The following BMPR1B variants were observed in gnomAD, a reference collection of about 807,000 sequenced individuals.
BMPR1B encodes the protein bone morphogenetic protein receptor type 1B, also known as bone morphogenetic protein receptor type-1B.
A neutral mutation model predicts 59.1 loss-of-function variants in BMPR1B; 12 were observed. The observed-to-expected ratio is 0.20, with a 90% CI of 0.13 to 0.33. BMPR1B has a LOEUF of 0.33. Ranked by LOEUF, BMPR1B falls within the 10% of genes least tolerant of loss-of-function variation. BMPR1B has a pLI of 1.00. For missense variants in BMPR1B, 550 were observed against 610.9 expected (o/e 0.90, Z 1.05); for synonymous variants, 237 against 207.3 (o/e 1.14, Z -1.23).
intron 2 of BMPR1B, among the ~76,000 whole-genome samples, chr4:94,943,877 T>G (rs941806491): frequency 5.9e-5 from 9 of 152,194 alleles, no homozygotes; most frequent in African/African-American, 2.2e-4. Flanking sequence ...CTTCTCTAAT[T>G]TGGAATTTAA....
At chr4:94,891,588 C>T (rs1039034198) in intron 2 of BMPR1B, among the ~76,000 whole-genome samples, 4 of 151,950 alleles carry the variant, frequency 2.6e-5, no homozygotes, top group African/African-American at 9.7e-5. Flanking sequence ...AGTGGCCACA[C>T]ATTCTAATCC....
intron 3 of BMPR1B, among the ~76,000 whole-genome samples, chr4:95,085,854 T>C (rs1371946421): frequency 2.0e-5 from 3 of 152,130 alleles, no homozygotes. Flanking sequence ...GATCATTAGC[T>C]GGAAGGTTTG....
At chr4:95,016,126 G>A (rs1302033575) in intron 3 of BMPR1B, among the ~76,000 whole-genome samples, 1 of 152,162 alleles carries the variant, frequency 6.6e-6, no homozygotes, top group Non-Finnish European at 1.5e-5. Flanking sequence ...TGTTTGTGAT[G>A]GTGATACAAT....
chr4:94,928,511 C>T (rs991140488), intron 2 of BMPR1B, among the ~76,000 whole-genome samples: 16 of 150,652 alleles, frequency 1.1e-4, no homozygotes, highest in African/African-American at 3.9e-4. Flanking sequence ...CTGGTTGATT[C>T]TTTTGAGACA....
chr4:95,011,615 C>T (rs895722832), intron 3 of BMPR1B, among the ~76,000 whole-genome samples: 6 of 152,156 alleles, frequency 3.9e-5, no homozygotes, highest in South Asian at 2.1e-4. Flanking sequence ...TCAAAATGTC[C>T]GCCCTCTGGT....
chr4:94,881,794 T>A (rs1726984584), intron 2 of BMPR1B, among the ~76,000 whole-genome samples: 1 of 152,130 alleles, frequency 6.6e-6, no homozygotes, highest in Admixed American at 6.6e-5. Flanking sequence ...GGCCTTTTTT[T>A]CTTCAGCCAT....
intron 1 of BMPR1B, among the ~76,000 whole-genome samples, chr4:94,777,221 AT>A (rs1157770307): frequency 1.3e-5 from 2 of 152,228 alleles, no homozygotes; most frequent in East Asian, 3.9e-4. Context: ...TTTCTCTCAT[AT>A]TTTAAGAGAA....
In BMPR1B at chr4:95,114,741, G is replaced by C. The variant is rs749067196; in HGVS notation, c.165G>C (p.Thr55=). The change falls in exon 5 of 13, where the codon ACG becomes ACC. Residue 55 remains threonine (T), a synonymous_variant. Coordinates refer to ENST00000515059, the MANE Select transcript of BMPR1B (RefSeq NM_001203.3). ...NICSTDGYCF[T]MIEEDDSGLP... is the part of the protein sequence containing the mutation. The stretch of plus-strand genomic sequence containing the variant: ...TCAGCACAGACGGATATTGTTTCAC[G>C]ATGATAGAAGAGGATGACTCTGGGT... The C allele has an allele frequency of 6.2e-7, 1 of 1,613,464 alleles. No homozygotes were observed. The highest frequency in any genetic ancestry group is 8.5e-7 in the Non-Finnish European group (1 of 1,179,694).
intron 3 of BMPR1B, among the ~76,000 whole-genome samples, chr4:95,063,388 C>A (rs1727551429): frequency 6.6e-6 from 1 of 151,960 alleles, no homozygotes; most frequent in Non-Finnish European, 1.5e-5. Context: ...GTTTTTTTAG[C>A]TATAGTGATT....
chr4:95,091,069 A>T (rs923501347), intron 3 of BMPR1B, among the ~76,000 whole-genome samples: 1 of 152,226 alleles, frequency 6.6e-6, no homozygotes, highest in South Asian at 2.1e-4. Flanking sequence ...AAGACATTGC[A>T]TATTGAAATA....
At chr4:94,878,924 A>G (rs1486637438) in intron 2 of BMPR1B, among the ~76,000 whole-genome samples, 1 of 151,950 alleles carries the variant, frequency 6.6e-6, no homozygotes, top group East Asian at 1.9e-4. Context: ...TCTACCATTT[A>G]TTTACCCTCT....
intron 3 of BMPR1B, among the ~76,000 whole-genome samples, chr4:95,067,554 A>G (rs1206786924): frequency 6.6e-6 from 1 of 152,216 alleles, no homozygotes; most frequent in East Asian, 1.9e-4. Context: ...TATGAGAAGA[A>G]GTTTGTTGGT....
rs1231887351 is a variant in BMPR1B at position 94,801,312 on chromosome 4, A to G, written c.-183+43244A>G. On this transcript the variant is annotated intron_variant, in intron 1 of 12. Transcript: ENST00000515059. ...CAAAACAGTTCTTGTCCCCAGGGAA[A>G]CTATTCCTCTCAGCTAAAAATAAAC... is the stretch of plus-strand genomic sequence containing the variant. 2.0e-5 allele frequency among the ~76,000 whole-genome samples: 3 copies of G among 152,226 alleles called. No individual in the cohort carries two copies. In the East Asian group the frequency reaches 5.8e-4, roughly 29 times the overall value.
intron 1 of BMPR1B, among the ~76,000 whole-genome samples, chr4:94,797,079 A>G (rs1050535070): frequency 2.0e-5 from 3 of 152,226 alleles, no homozygotes; most frequent in Non-Finnish European, 2.9e-5. Context: ...GGGAGGCCTC[A>G]GAATCATGTA....
intron 3 of BMPR1B, among the ~76,000 whole-genome samples, chr4:95,052,541 A>C (rs1726578993): frequency 6.6e-6 from 1 of 152,104 alleles, no homozygotes; most frequent in Admixed American, 6.6e-5. Flanking sequence ...GGGAATATGT[A>C]TGAGATTGAA....
intron 1 of BMPR1B, among the ~76,000 whole-genome samples, chr4:94,821,364 ATAT>A (rs1378623764): frequency 2.0e-5 from 3 of 152,180 alleles, no homozygotes; most frequent in Non-Finnish European, 2.9e-5. Context: ...GTGTTTAATA[ATAT>A]TAGCGAAGTT....
At chr4:95,045,056 T>C (rs1449028884) in intron 3 of BMPR1B, among the ~76,000 whole-genome samples, 1 of 152,112 alleles carries the variant, frequency 6.6e-6, no homozygotes, top group Non-Finnish European at 1.5e-5. Context: ...AGGCTGTGGC[T>C]TCCAATTGGA....
At chr4:95,126,989 A>AT (rs1296042198) in intron 8 of BMPR1B, among the ~76,000 whole-genome samples, 1 of 151,290 alleles carries the variant, frequency 6.6e-6, no homozygotes, top group African/African-American at 2.4e-5. Context: ...TAAAATGTCA[A>AT]TTTTTTCCTA....
At chr4:94,915,777 T>C (rs940215746) in intron 2 of BMPR1B, among the ~76,000 whole-genome samples, 11 of 152,274 alleles carry the variant, frequency 7.2e-5, no homozygotes, top group African/African-American at 2.6e-4. Flanking sequence ...AGCTTTAATA[T>C]AGTTTGGATA....
Sources: gnomAD v4.1 joint callset for allele counts (sites outside exome capture counted in the v4.1 genomes callset) on GRCh38, gnomAD v4.1.1 for gene constraint, MANE v1.5 for transcripts, NCBI Gene and HGNC (gene_info 2026-07-23, HGNC 2026-07-21) for gene names.